SMOC1: variants seen among roughly 807,000 people sequenced by gnomAD.
The protein encoded by SMOC1 is SPARC-related modular calcium-binding protein 1.
A neutral mutation model predicts 56.3 loss-of-function variants in SMOC1; 22 were observed. That is an observed-to-expected ratio of 0.39 (90% CI 0.28 to 0.56). The LOEUF (loss-of-function observed/expected upper bound fraction) is 0.56, where lower values mean the gene tolerates loss of function less well. SMOC1 is among the 20% of genes least tolerant of loss of function. SMOC1 has a pLI of 0.61. For missense variants in SMOC1, 509 were observed against 565.4 expected (o/e 0.90, Z 1.01); for synonymous variants, 193 against 215.0 (o/e 0.90, Z 0.89).
intron 1 of SMOC1, among the ~76,000 whole-genome samples, chr14:69,893,937 G>A (rs947591639): frequency 2.6e-5 from 4 of 152,294 alleles, no homozygotes; most frequent in Middle Eastern, 3.4e-3. Flanking sequence ...GAAAAACTAG[G>A]GACATGATTG....
intron 1 of SMOC1, among the ~76,000 whole-genome samples, chr14:69,903,216 C>T (rs978693680): frequency 6.6e-6 from 1 of 151,442 alleles, no homozygotes; most frequent in East Asian, 2.0e-4. Context: ...TGTGGGGAGC[C>T]CCTCTGCCCC....
At chr14:69,956,914 T>C (rs533365533) in intron 3 of SMOC1, among the ~76,000 whole-genome samples, 1 of 152,324 alleles carries the variant, frequency 6.6e-6, no homozygotes, top group Admixed American at 6.5e-5. Flanking sequence ...CATTGTGTTT[T>C]TTCGAGCTCC....
chr14:69,884,948 T>G (rs59074745), intron 1 of SMOC1, among the ~76,000 whole-genome samples: 40,819 of 152,104 alleles, frequency 0.27, 5,666 homozygotes, highest in African/African-American at 0.34. Context: ...TTTTAGGGTT[T>G]TTTTTTCTAT....
At chr14:69,958,492 A>G (rs1883265666) in intron 3 of SMOC1, among the ~76,000 whole-genome samples, 1 of 152,234 alleles carries the variant, frequency 6.6e-6, no homozygotes. Flanking sequence ...AATAAAAATG[A>G]TGATGAATGC....
intron 6 of SMOC1, chr14:69,994,156 G>A (rs962948108): frequency 3.3e-5 from 19 of 573,564 alleles, no homozygotes; most frequent in Non-Finnish European, 5.3e-5. Flanking sequence ...AGTGCTCAGT[G>A]CCTCTGCATT....
intron 3 of SMOC1, among the ~76,000 whole-genome samples, chr14:69,971,838 C>G (rs916212818): frequency 6.6e-6 from 1 of 152,196 alleles, no homozygotes; most frequent in Non-Finnish European, 1.5e-5. Context: ...CTTCTTCCAC[C>G]CAAACCTTTG....
At chr14:69,982,928 G>A (rs1884231077) in intron 5 of SMOC1, among the ~76,000 whole-genome samples, 1 of 152,198 alleles carries the variant, frequency 6.6e-6, no homozygotes, top group African/African-American at 2.4e-5. Context: ...CCAAGCCTGA[G>A]AGAGGCAGCT....
chr14:69,976,687 T>C (rs1883971106), intron 4 of SMOC1, among the ~76,000 whole-genome samples: 1 of 152,238 alleles, frequency 6.6e-6, no homozygotes, highest in African/African-American at 2.4e-5. Flanking sequence ...ACTATGTGGC[T>C]CAGCTCTCTC....
At chr14:69,968,908 T>C (rs1594829598) in intron 3 of SMOC1, among the ~76,000 whole-genome samples, 3 of 152,174 alleles carry the variant, frequency 2.0e-5, no homozygotes, top group African/African-American at 7.2e-5. Context: ...TGGGGAGAAA[T>C]GAAGCCACAG....
Position 69,932,943 on chromosome 14 carries a change from A to G in SMOC1, c.100-19195A>G, listed in dbSNP as rs901871269. 6.6e-5 allele frequency among the ~76,000 whole-genome samples: 10 copies of G among 152,336 alleles called. No homozygotes were observed. The East Asian group carries it at 1.7e-3, about 26-fold the overall frequency. ...TACACCAACCTAGGGCAGTAGTTTT[A>G]AAATTTCTTGAAGACATGGAACTCT... On this transcript the variant is annotated intron_variant, in intron 1 of 11. Transcript: ENST00000361956.
chr14:69,981,405 G>T (rs1884172642), intron 5 of SMOC1, among the ~76,000 whole-genome samples: 1 of 152,228 alleles, frequency 6.6e-6, no homozygotes, highest in Non-Finnish European at 1.5e-5. Flanking sequence ...AACAAATGCA[G>T]TGTAGGTCCT....
intron 3 of SMOC1, among the ~76,000 whole-genome samples, chr14:69,958,225 A>C (rs1254909769): frequency 6.6e-6 from 1 of 152,124 alleles, no homozygotes; most frequent in African/African-American, 2.4e-5. Context: ...TGCACCTGTG[A>C]ATAGCCACTC....
intron 1 of SMOC1, among the ~76,000 whole-genome samples, chr14:69,920,963 C>A (rs1430029695): frequency 6.6e-6 from 1 of 152,190 alleles, no homozygotes; most frequent in Admixed American, 6.5e-5. Flanking sequence ...CTCTGTGCTC[C>A]TTAGTCCTGG....
chr14:69,952,240 G>A lies in SMOC1; in HGVS notation c.202G>A (p.Glu68Lys), dbSNP rs1367636734. 6.2e-7 allele frequency: 1 copy of A among 1,614,148 alleles called. No homozygotes were observed. Among genetic ancestry groups the A allele is most frequent in the Non-Finnish European group, 8.5e-7 (1 of 1,180,024 alleles). Reference sequence around the variant, plus strand: ...TGGCAGGTCCTACGAGTCCATGTGTGAGTACCAGCGAGCCAAGTGCCGAGA... The same window carrying A: ...TGGCAGGTCCTACGAGTCCATGTGTAAGTACCAGCGAGCCAAGTGCCGAGA... Reference protein sequence around the residue: ...SDGRSYESMCEYQRAKCRDPT... With the variant: ...SDGRSYESMCKYQRAKCRDPT... The change falls in exon 2 of 12, where the codon GAG (glutamate) becomes AAG (lysine). Residue 68 changes from glutamate to lysine, a missense_variant. This residue lies in a region of SMOC1 where 315 missense variants were observed against 333.1 expected (regional missense o/e 0.95). Transcript: ENST00000361956.
chr14:69,947,196 A>G (rs189134983), intron 1 of SMOC1, among the ~76,000 whole-genome samples: 205 of 115,522 alleles, frequency 1.8e-3, no homozygotes, highest in African/African-American at 6.8e-3. Context: ...CTTTCCTTTC[A>G]TTCTTATTCT....
At chr14:69,882,393 G>A (rs1049912380) in intron 1 of SMOC1, among the ~76,000 whole-genome samples, 4 of 152,060 alleles carry the variant, frequency 2.6e-5, no homozygotes, top group Non-Finnish European at 4.4e-5. Flanking sequence ...GAGCTCCCCC[G>A]AGGCCTAGAC....
At chr14:69,946,817 C>G (rs771317943) in intron 1 of SMOC1, among the ~76,000 whole-genome samples, 13 of 152,132 alleles carry the variant, frequency 8.5e-5, no homozygotes, top group Non-Finnish European at 1.8e-4. Context: ...GTGCTTTGGT[C>G]CTTGGGGTGC....
intron 3 of SMOC1, among the ~76,000 whole-genome samples, chr14:69,971,293 C>T (rs575365537): frequency 2.6e-5 from 4 of 152,318 alleles, no homozygotes; most frequent in South Asian, 2.1e-4. Flanking sequence ...GCTGGAATTA[C>T]AGGCATGAGC....
intron 1 of SMOC1, among the ~76,000 whole-genome samples, chr14:69,892,888 A>G (rs1210102048): frequency 6.6e-6 from 1 of 152,232 alleles, no homozygotes; most frequent in African/African-American, 2.4e-5. Context: ...TTCCTTGATG[A>G]TCCCTTAAAT....
Sources: gnomAD v4.1 joint callset for allele counts (sites outside exome capture counted in the v4.1 genomes callset) on GRCh38, gnomAD v4.1.1 for gene constraint, gnomAD v4.1.1 regional missense constraint, MANE v1.5 for transcripts, NCBI Gene and HGNC (gene_info 2026-07-23, HGNC 2026-07-21) for gene names.